LMBRD1: variants seen among roughly 807,000 people sequenced by gnomAD.
LMBRD1 encodes the protein lysosomal cobalamin transport escort protein LMBD1.
LMBRD1 carries 64 observed loss-of-function variants against 74.8 expected under a neutral mutation model. The ratio of observed to expected loss-of-function variants is 0.86; its 90% CI spans 0.70 to 1.05. The LOEUF is 1.05. LMBRD1 is among the 50% of genes least tolerant of loss of function. LMBRD1 has a pLI of 0.00. For missense variants in LMBRD1, 652 were observed against 645.9 expected (o/e 1.01, Z -0.10); for synonymous variants, 204 against 216.3 (o/e 0.94, Z 0.50).
chr6:69,792,042 G>A (rs1036694429), intron 1 of LMBRD1, among the ~76,000 whole-genome samples: 2 of 152,182 alleles, frequency 1.3e-5, no homozygotes, highest in Non-Finnish European at 2.9e-5. Context: ...CATATTTGAT[G>A]TAAAAATGGG....
intron 1 of LMBRD1, among the ~76,000 whole-genome samples, chr6:69,795,773 A>G (rs1766211845): frequency 6.6e-6 from 1 of 152,154 alleles, no homozygotes; most frequent in Non-Finnish European, 1.5e-5. Context: ...AAATTTTCAC[A>G]CCATTCTTTT....
At chr6:69,780,175 A>T (rs144617418) in intron 3 of LMBRD1, among the ~76,000 whole-genome samples, 66 of 148,192 alleles carry the variant, frequency 4.5e-4, no homozygotes, top group African/African-American at 1.5e-3. Context: ...TGGTCAAACC[A>T]ATCCTGAGCC....
At chr6:69,745,360 G>A (rs1362805207) in intron 5 of LMBRD1, among the ~76,000 whole-genome samples, 1 of 150,032 alleles carries the variant, frequency 6.7e-6, no homozygotes, top group Non-Finnish European at 1.5e-5. Flanking sequence ...CCGGGTTCAC[G>A]CCATTCTCCT....
At chr6:69,705,789 G>A in intron 9 of LMBRD1, 1 of 1,177,590 alleles carries the variant, frequency 8.5e-7, no homozygotes, top group Non-Finnish European at 1.3e-6. Flanking sequence ...TTCATCTACT[G>A]ACTGCATCTT....
At chr6:69,735,742 T>G (rs7762400) in intron 7 of LMBRD1, among the ~76,000 whole-genome samples, 55,381 of 152,064 alleles carry the variant, frequency 0.36, 10,624 homozygotes, top group East Asian at 0.54. Context: ...TGTTAAAATG[T>G]TTGTCAGAGC....
intron 4 of LMBRD1, among the ~76,000 whole-genome samples, chr6:69,751,094 AT>A (rs1765138808): frequency 2.0e-5 from 3 of 152,000 alleles, no homozygotes; most frequent in Admixed American, 6.6e-5. Flanking sequence ...TTTAACATAT[AT>A]TTTTTTCTTT....
At chr6:69,778,158 C>A (rs931334874) in intron 3 of LMBRD1, among the ~76,000 whole-genome samples, 3 of 152,174 alleles carry the variant, frequency 2.0e-5, no homozygotes, top group Admixed American at 6.5e-5. Flanking sequence ...TTTTTCAATT[C>A]ATAATCTGGC....
At chr6:69,778,753 T>C (rs980602710) in intron 3 of LMBRD1, among the ~76,000 whole-genome samples, 3 of 152,126 alleles carry the variant, frequency 2.0e-5, no homozygotes, top group African/African-American at 7.2e-5. Flanking sequence ...TGTATTTTAT[T>C]ATATTTAATA....
intron 3 of LMBRD1, among the ~76,000 whole-genome samples, chr6:69,757,312 C>A (rs1025669621): frequency 1.3e-5 from 2 of 152,130 alleles, no homozygotes; most frequent in African/African-American, 4.8e-5. Context: ...GTATGGCAAC[C>A]AAAATTCCCA....
intron 14 of LMBRD1, among the ~76,000 whole-genome samples, chr6:69,693,756 CCCT>C (rs1381971714): frequency 7.9e-5 from 12 of 151,812 alleles, no homozygotes; most frequent in African/African-American, 2.9e-4. Flanking sequence ...GGGGTGGCAT[CCCT>C]ACCCTTATGT....
intron 5 of LMBRD1, among the ~76,000 whole-genome samples, chr6:69,742,505 G>GA (rs775328063): frequency 1.3e-5 from 2 of 151,990 alleles, no homozygotes; most frequent in Non-Finnish European, 2.9e-5. Context: ...CTTAGACTGG[G>GA]AAACGATAGA....
At chr6:69,782,719 TAGG>T (rs1404170696) in intron 2 of LMBRD1, among the ~76,000 whole-genome samples, 1 of 151,464 alleles carries the variant, frequency 6.6e-6, no homozygotes, top group Admixed American at 6.6e-5. Flanking sequence ...GAGAAAAGAC[TAGG>T]AGGTTATATG....
At chr6:69,757,957 C>A (rs1186193612) in intron 3 of LMBRD1, among the ~76,000 whole-genome samples, 6 of 152,102 alleles carry the variant, frequency 3.9e-5, no homozygotes, top group African/African-American at 1.4e-4. Context: ...AAATTAAACT[C>A]ATGAAACAAG....
At chr6:69,772,674 G>T (rs1765600037) in intron 3 of LMBRD1, among the ~76,000 whole-genome samples, 1 of 152,096 alleles carries the variant, frequency 6.6e-6, no homozygotes, top group African/African-American at 2.4e-5. Context: ...AGACAGGACA[G>T]AACTGTATCT....
intron 1 of LMBRD1, among the ~76,000 whole-genome samples, chr6:69,794,063 G>A (rs1766155316): frequency 6.6e-6 from 1 of 152,144 alleles, no homozygotes; most frequent in South Asian, 2.1e-4. Flanking sequence ...AGTTCTCCAA[G>A]TGTGAAATCC....
At position 69,716,388 on chromosome 6, in the gene LMBRD1, A is replaced by G. The variant is rs1392917656; in HGVS notation, c.762+2568T>C. ...TGGTCAGTGATGTTGAGCTTTTTTC[A>G]TATGATTTTTTGGCCACATGTATGT... On this transcript the variant is annotated intron_variant, in intron 8 of 15. Coordinates refer to ENST00000649934, the MANE Select transcript of LMBRD1 (RefSeq NM_018368.4). 2.6e-5 allele frequency among the ~76,000 whole-genome samples: 4 copies of G among 152,032 alleles called. No individual in the cohort carries two copies. In the East Asian group the frequency reaches 7.7e-4, roughly 29 times the overall value.
intron 4 of LMBRD1, among the ~76,000 whole-genome samples, chr6:69,750,722 A>T (rs1404022989): frequency 1.3e-5 from 2 of 152,116 alleles, no homozygotes; most frequent in Admixed American, 1.3e-4. Context: ...TGGAGATCTT[A>T]TCAAATTTGT....
intron 4 of LMBRD1, among the ~76,000 whole-genome samples, chr6:69,749,923 CAT>C (rs1562111637): frequency 4.4e-4 from 41 of 92,882 alleles, no homozygotes; most frequent in African/African-American, 2.4e-3. Flanking sequence ...TATATATACA[CAT>C]ATACATACTC....
At chr6:69,796,200 G>A (rs981262690) in intron 1 of LMBRD1, among the ~76,000 whole-genome samples, 6 of 152,072 alleles carry the variant, frequency 3.9e-5, no homozygotes, top group Non-Finnish European at 7.4e-5. Context: ...TGGTAATAAA[G>A]AGGGCTACAG....
Sources: gnomAD v4.1 joint callset for allele counts (sites outside exome capture counted in the v4.1 genomes callset) on GRCh38, gnomAD v4.1.1 for gene constraint, MANE v1.5 for transcripts, NCBI Gene and HGNC (gene_info 2026-07-23, HGNC 2026-07-21) for gene names.